TAFA5: variants seen among roughly 807,000 people sequenced by gnomAD.
TAFA5 encodes the protein chemokine-like protein TAFA-5.
A neutral mutation model predicts 15.3 loss-of-function variants in TAFA5; 6 were observed. The observed-to-expected ratio is 0.39, with a 90% CI of 0.21 to 0.77. TAFA5 has a LOEUF of 0.77. Among genes scored for constraint, TAFA5 ranks in the 30% least tolerant of loss-of-function variants. The probability of loss-of-function intolerance (pLI) is 0.41; values close to 1 mark genes in which losing one functional copy is unlikely to be tolerated. For synonymous variants in TAFA5, 103 were observed against 80.7 expected, an observed-to-expected ratio of 1.28 and a Z score of -1.48; for missense variants, 161 against 193.1, an observed-to-expected ratio of 0.83 and a Z score of 0.98.
intron 1 of TAFA5, among the ~76,000 whole-genome samples, chr22:48,578,361 G>A (rs976166829): frequency 9.8e-5 from 15 of 152,308 alleles, no homozygotes; most frequent in African/African-American, 1.7e-4. Flanking sequence ...AGGTGCCTCC[G>A]GGGGCTCTGC....
rs1010484971 is a variant in TAFA5 at position 48,512,748 on chromosome 22, G to A, written c.112+23044G>A. Among the ~76,000 whole-genome samples the A allele has an allele frequency of 9.2e-5, 14 of 151,806 alleles. No homozygotes were observed. The East Asian group carries it at 2.1e-3, about 23-fold the overall frequency. ...ATCCTGGCTAACACAGTGAAGCCAC[G>A]TCTCTACTAAAAATACAAAAAAAAA... is the stretch of plus-strand genomic sequence containing the variant. On this transcript the variant is annotated intron_variant, in intron 1 of 3. Transcript: ENST00000402357.
chr22:48,679,277 T>C (rs1928096822), intron 2 of TAFA5, among the ~76,000 whole-genome samples: 1 of 102,490 alleles, frequency 9.8e-6, no homozygotes, highest in Non-Finnish European at 1.9e-5. Context: ...CATCCATCCC[T>C]CTTCCGGCTC....
intron 2 of TAFA5, among the ~76,000 whole-genome samples, chr22:48,699,469 C>T (rs1199971716): frequency 6.6e-6 from 1 of 152,156 alleles, no homozygotes; most frequent in African/African-American, 2.4e-5. Context: ...AGGGCACTGG[C>T]AGTGAGCTCC....
chr22:48,696,795 A>G (rs76547878), intron 2 of TAFA5, among the ~76,000 whole-genome samples: 7,078 of 152,320 alleles, frequency 0.046, 452 homozygotes, highest in African/African-American at 0.15. Context: ...ACCCTGTGCT[A>G]CATGAGACGC....
intron 2 of TAFA5, among the ~76,000 whole-genome samples, chr22:48,702,824 C>CCGG (rs1290610982): frequency 1.3e-5 from 2 of 152,238 alleles, no homozygotes; most frequent in Non-Finnish European, 2.9e-5. Context: ...ACATGGTGGC[C>CCGG]CGGCGCTGTG....
chr22:48,710,560 G>T (rs1357333721), intron 3 of TAFA5, among the ~76,000 whole-genome samples: 1 of 152,306 alleles, frequency 6.6e-6, no homozygotes, highest in East Asian at 1.9e-4. Context: ...TGCCGCGTCC[G>T]TCCAGGTCTG....
chr22:48,715,504 C>T (rs1259199690), intron 3 of TAFA5, among the ~76,000 whole-genome samples: 1 of 152,210 alleles, frequency 6.6e-6, no homozygotes, highest in East Asian at 1.9e-4. Context: ...AGGCCAGGGC[C>T]TCCATCTTCC....
In TAFA5 at chr22:48,502,764, C is replaced by T. The variant is rs377669136; in HGVS notation, c.112+13060C>T. On this transcript the variant is annotated intron_variant, in intron 1 of 3. Coordinates refer to ENST00000402357, the MANE Select transcript of TAFA5 (RefSeq NM_001082967.3). Reference sequence around the variant, plus strand: ...TTCAAACTCCTGACCTCAGGTGATCCGCCCCCCTCGGTCTCCCAAAATGCT... The same window carrying T: ...TTCAAACTCCTGACCTCAGGTGATCTGCCCCCCTCGGTCTCCCAAAATGCT... Among the ~76,000 whole-genome samples, 10 of 152,220 alleles carry T rather than the reference C, an allele frequency of 6.6e-5. No individual in the cohort carries two copies. In the East Asian group the frequency reaches 7.7e-4, roughly 12 times the overall value.
At chr22:48,709,466 C>T (rs1374796829) in intron 3 of TAFA5, among the ~76,000 whole-genome samples, 1 of 152,222 alleles carries the variant, frequency 6.6e-6, no homozygotes, top group Non-Finnish European at 1.5e-5. Flanking sequence ...ACAGCAGGTG[C>T]ATTCCATCCA....
intron 1 of TAFA5, among the ~76,000 whole-genome samples, chr22:48,535,723 C>T (rs144987239): frequency 6.7e-6 from 1 of 149,914 alleles, no homozygotes; most frequent in East Asian, 2.0e-4. Flanking sequence ...ATCACACACA[C>T]AGTCACACCG....
At chr22:48,717,865 G>T (rs1446868447) in intron 3 of TAFA5, among the ~76,000 whole-genome samples, 1 of 152,246 alleles carries the variant, frequency 6.6e-6, no homozygotes. Flanking sequence ...GCACCCTGGA[G>T]AGCCAGGCTT....
chr22:48,623,568 C>A (rs9617409), intron 1 of TAFA5, among the ~76,000 whole-genome samples: 1 of 152,034 alleles, frequency 6.6e-6, no homozygotes, highest in African/African-American at 2.4e-5. Context: ...AGGAAGGGGG[C>A]GGCTCATCGC....
intron 1 of TAFA5, among the ~76,000 whole-genome samples, chr22:48,553,687 G>C (rs1329861162): frequency 2.0e-5 from 3 of 152,208 alleles, no homozygotes; most frequent in African/African-American, 7.2e-5. Context: ...GCCTGCCGTG[G>C]TGCAGGCCCG....
rs952823439 is a variant in TAFA5, at chr22:48,623,209, G to A, written c.113-23388G>A. ...TTCGCCAGCAGCCGCAGCCTGTTGC[G>A]TGGCCCTGCGCGGTGACCTGTGGGA... On this transcript the variant is annotated intron_variant, in intron 1 of 3. Transcript: ENST00000402357. Among the ~76,000 whole-genome samples the A allele has an allele frequency of 5.3e-5, 8 of 152,006 alleles. 1 individual carries two copies. Among genetic ancestry groups the A allele is most frequent in the African/African-American group, 1.9e-4 (8 of 41,386 alleles).
chr22:48,590,264 T>C (rs976918749), intron 1 of TAFA5, among the ~76,000 whole-genome samples: 4 of 152,098 alleles, frequency 2.6e-5, no homozygotes, highest in African/African-American at 9.7e-5. Flanking sequence ...GCCCAGAAAT[T>C]CTTAATGCTC....
intron 2 of TAFA5, among the ~76,000 whole-genome samples, chr22:48,673,775 G>A (rs1927876795): frequency 2.6e-5 from 4 of 152,202 alleles, no homozygotes; most frequent in African/African-American, 9.6e-5. Context: ...TGGCTCTGAT[G>A]TCCACTCTGT....
At chr22:48,703,133 T>C (rs1187880127) in intron 2 of TAFA5, among the ~76,000 whole-genome samples, 1 of 152,190 alleles carries the variant, frequency 6.6e-6, no homozygotes, top group Non-Finnish European at 1.5e-5. Context: ...TTTGTGAGCA[T>C]GCATGTAAAT....
At chr22:48,597,192 GT>G (rs1395343872) in intron 1 of TAFA5, among the ~76,000 whole-genome samples, 3 of 152,218 alleles carry the variant, frequency 2.0e-5, no homozygotes, top group African/African-American at 7.2e-5. Flanking sequence ...AGGGGAGATA[GT>G]CAGGGCCTTC....
intron 1 of TAFA5, among the ~76,000 whole-genome samples, chr22:48,609,609 G>T (rs1313069562): frequency 6.6e-6 from 1 of 152,194 alleles, no homozygotes. Context: ...TCCTGCAAAA[G>T]AACCACCATG....
Sources: gnomAD v4.1 joint callset for allele counts (sites outside exome capture counted in the v4.1 genomes callset) on GRCh38, gnomAD v4.1.1 for gene constraint, MANE v1.5 for transcripts, NCBI Gene and HGNC (gene_info 2026-07-23, HGNC 2026-07-21) for gene names.